The following PGBD1 variants were observed in gnomAD, a reference collection of about 807,000 sequenced individuals.
PGBD1 encodes the protein piggyBac transposable element derived 1.
PGBD1 carries 25 observed loss-of-function variants against 34.7 expected under a neutral mutation model. The ratio of observed to expected loss-of-function variants is 0.72; its 90% CI spans 0.52 to 1.00. PGBD1 has a LOEUF of 1.00. PGBD1 is among the 50% of genes least tolerant of loss of function. The probability of loss-of-function intolerance (pLI) is 0.00; values close to 1 mark genes in which losing one functional copy is unlikely to be tolerated. For missense variants in PGBD1, 830 were observed against 959.4 expected, an observed-to-expected ratio of 0.87 and a Z score of 1.78; for synonymous variants, 292 against 335.7, an observed-to-expected ratio of 0.87 and a Z score of 1.42.
chr6:28,285,448 C>T, intron 2 of PGBD1, 103 bp from the exon 3 acceptor site: 1 of 1,248,974 alleles, frequency 8.0e-7, no homozygotes. Context: ...CCTGTCTTTT[C>T]TGCCTTGTTT....
Position 28,301,796 on chromosome 6 carries a change from G to A in PGBD1, c.1942G>A (p.Gly648Arg). The A allele has an allele frequency of 1.2e-6, 2 of 1,614,120 alleles. No homozygotes were observed. The highest frequency in any genetic ancestry group is 1.7e-6 in the Non-Finnish European group (2 of 1,180,026). The change falls in exon 7 of 7, where the codon GGA (glycine) becomes AGA (arginine). Residue 648 changes from glycine to arginine, a missense_variant. Coordinates refer to ENST00000682144, the MANE Select transcript of PGBD1 (RefSeq NM_032507.4). The stretch of plus-strand genomic sequence containing the variant: ...GAAAAAGAAGGGGGTGAGGGCAACA[G>A]GAACAATTCGTGAGAACAGGACCGA... ...ALKKKGVRAT[G>R]TIRENRTEKC...
At chr6:28,299,480 C>T (rs1244875524) in intron 6 of PGBD1, among the ~76,000 whole-genome samples, 1 of 152,116 alleles carries the variant, frequency 6.6e-6, no homozygotes, top group African/African-American at 2.4e-5. Flanking sequence ...CAAGGAATGT[C>T]ACTGAAGTTA....
At chr6:28,283,194 G>A (rs530500640) in intron 1 of PGBD1, among the ~76,000 whole-genome samples, 3 of 152,222 alleles carry the variant, frequency 2.0e-5, no homozygotes, top group Non-Finnish European at 2.9e-5. Flanking sequence ...ATGGCAGTGA[G>A]CCAAGAGCTA....
chr6:28,300,605 A>G lies in PGBD1; in HGVS notation c.870-119A>G, dbSNP rs751780526. 3 of 1,171,272 alleles carry G rather than the reference A, an allele frequency of 2.6e-6. No individual in the cohort carries two copies. Among genetic ancestry groups the G allele is most frequent in the Middle Eastern group, 3.0e-4 (1 of 3,388 alleles). 72.6% of individuals were successfully genotyped at this position (1,171,272 alleles called of 1,614,324 possible). ...CTCCCCATGGAAACTTAAGAGAAAT[A>G]AGTAAGTATCCCCCCACACCCACCC... On this transcript the variant is annotated intron_variant, in intron 6 of 6. Transcript: ENST00000682144. This position sits in a 1 kb window ranked among gnomAD's most constrained non-coding sequence, Gnocchi z 4.0.
In PGBD1 at chr6:28,302,373, G is replaced by T; in HGVS notation, c.*89G>T. ...TGTTGTACCCTCCCAAAGTAAATCTGATATATGTAATGAAGTTATTAAATA... is the reference window on the plus strand; with the variant it reads ...TGTTGTACCCTCCCAAAGTAAATCTTATATATGTAATGAAGTTATTAAATA... On this transcript the variant is annotated 3_prime_UTR_variant, in exon 7 of 7. Transcript: ENST00000682144. 1 of 1,280,606 alleles carries T rather than the reference G, an allele frequency of 7.8e-7. No individual in the cohort carries two copies. Among genetic ancestry groups the T allele is most frequent in the Non-Finnish European group, 1.1e-6 (1 of 935,218 alleles). The allele number at this position is 1,280,606 out of a possible 1,614,324, so 79.3% of individuals were successfully genotyped here.
Position 28,302,029 on chromosome 6 carries a change from AC to A in PGBD1, c.2177del (p.Pro726HisfsTer3). The A allele has an allele frequency of 6.2e-7, 1 of 1,614,210 alleles. No homozygotes were observed. Among genetic ancestry groups the A allele is most frequent in the Non-Finnish European group, 8.5e-7 (1 of 1,180,040 alleles). On this transcript the variant is annotated frameshift_variant, in exon 7 of 7. Coordinates refer to ENST00000682144, the MANE Select transcript of PGBD1 (RefSeq NM_032507.4). LOFTEE classifies it low-confidence loss of function (END_TRUNC). ...ACGAAGAAATCCCTCAGATAAGTCAACCATCCATAGTAAAAGTGTATGATGA... is the reference window on the plus strand; with the variant it reads ...ACGAAGAAATCCCTCAGATAAGTCAACATCCATAGTAAAAGTGTATGATGA... ...DNEEIPQISQ[P>X]SIVKVYDECK...
intron 4 of PGBD1, among the ~76,000 whole-genome samples, chr6:28,291,803 C>T (rs1346780759): frequency 6.6e-6 from 1 of 152,116 alleles, no homozygotes; most frequent in Admixed American, 6.6e-5. Context: ...TCAACATATG[C>T]AAATCAATAA....
chr6:28,284,333 C>G, intron 2 of PGBD1, 124 bp downstream of exon 2: 1 of 1,124,380 alleles, frequency 8.9e-7, no homozygotes, highest in East Asian at 2.8e-5. Flanking sequence ...AGAGAACTCC[C>G]GTAAAACTCT....
rs572238838 is a variant in PGBD1, at chr6:28,294,445, G to A, written c.643-2371G>A. 9.2e-5 allele frequency among the ~76,000 whole-genome samples: 14 copies of A among 152,310 alleles called. No homozygotes were observed. In the South Asian group the frequency reaches 2.9e-3, roughly 32 times the overall value. On this transcript the variant is annotated intron_variant, in intron 4 of 6. Transcript: ENST00000682144. Reference sequence around the variant, plus strand: ...AATGAAGATGAAACCACCTTTTATTGAAATAAGATGCCATCTAGGACTTTG... The same window carrying A: ...AATGAAGATGAAACCACCTTTTATTAAAATAAGATGCCATCTAGGACTTTG...
chr6:28,291,849 C>T (rs1469060406), intron 4 of PGBD1, among the ~76,000 whole-genome samples: 7 of 152,134 alleles, frequency 4.6e-5, no homozygotes, highest in Admixed American at 2.0e-4. Context: ...CAAGAACAAA[C>T]ACCATATGAT....
rs3215466 is a variant in PGBD1, at chr6:28,300,707, C to CT, written c.870-10dup. On this transcript the variant is annotated splice_polypyrimidine_tract_variant and intron_variant, in intron 6 of 6. Transcript: ENST00000682144. This position sits in a 1 kb window ranked among gnomAD's most constrained non-coding sequence, Gnocchi z 4.0. ...TGATTGAGGATTTTTATAACATGTT[C>CT]TTTTTTTCTTTCCCAGAGAGTGTGC... The CT allele has an allele frequency of 6.4e-7, 1 of 1,570,132 alleles. No homozygotes were observed. The highest frequency in any genetic ancestry group is 8.6e-7 in the Non-Finnish European group (1 of 1,159,770).
At chr6:28,297,850 A>ATAAAAAAAAAAAT in intron 5 of PGBD1, 45 bp from the exon 6 acceptor site, 1 of 391,904 alleles carries the variant, frequency 2.6e-6, no homozygotes, top group Non-Finnish European at 4.6e-6. Flanking sequence ...TTTTTTCAAA[A>ATAAAAAAAAAAAT]TTCACATAAC....
Position 28,301,246 on chromosome 6 carries a change from A to T in PGBD1, c.1392A>T (p.Leu464Phe), listed in dbSNP as rs752715784. ...AAATGAGGTGTGTGTTTGGTGTCTT[A>T]CTTTTGAGTGGATTTATGAGGCATC... ...VQEMRCVFGV[L>F]LLSGFMRHPR... Residue 464 changes from leucine to phenylalanine, a missense_variant, in exon 7 of 7, where the codon TTA becomes TTT. Coordinates refer to ENST00000682144, the MANE Select transcript of PGBD1 (RefSeq NM_032507.4). 6 of 1,614,184 alleles carry T rather than the reference A, an allele frequency of 3.7e-6. No homozygotes were observed. In the East Asian group the frequency reaches 1.3e-4, roughly 36 times the overall value.
intron 5 of PGBD1, 24 bp downstream of exon 5, chr6:28,296,969 C>T (rs1376015041): frequency 6.2e-7 from 1 of 1,612,844 alleles, no homozygotes; most frequent in Non-Finnish European, 8.5e-7. Context: ...TCTGGCTGGA[C>T]CCCTGTCTGG....
In PGBD1 at chr6:28,301,937, A is replaced by G. The variant is rs1255301368; in HGVS notation, c.2083A>G (p.Ile695Val). 3.1e-6 allele frequency: 5 copies of G among 1,614,084 alleles called. No individual in the cohort carries two copies. Among genetic ancestry groups the G allele is most frequent in the Non-Finnish European group, 4.2e-6 (5 of 1,180,036 alleles). ...GTGTCGTTGGTATGGGGATGGCATT[A>G]TCAGTCTGTGCTCCAATGCTGTGGG... The part of the protein sequence containing the change: ...ILCRWYGDGI[I>V]SLCSNAVGIE... The change falls in exon 7 of 7, where the codon ATC (isoleucine) becomes GTC (valine). Residue 695 changes from isoleucine to valine, a missense_variant. Ile to Val is a conservative substitution (Grantham distance 29, BLOSUM62 3). This residue lies in a region of PGBD1 where 372 missense variants were observed against 427.9 expected (regional missense o/e 0.87). Coordinates refer to ENST00000682144, the MANE Select transcript of PGBD1 (RefSeq NM_032507.4).
intron 4 of PGBD1, among the ~76,000 whole-genome samples, chr6:28,296,308 T>C (rs1762629579): frequency 6.6e-6 from 1 of 152,226 alleles, no homozygotes; most frequent in Non-Finnish European, 1.5e-5. Context: ...ATAACTGCAA[T>C]ATTATATTGA....
intron 5 of PGBD1, 62 bp from the exon 6 acceptor site, chr6:28,297,833 T>G (rs1307316850): frequency 2.2e-5 from 7 of 311,474 alleles, no homozygotes; most frequent in East Asian, 6.8e-5. Context: ...TTTTTTTTTT[T>G]TTTTTTTTTT....
intron 4 of PGBD1, among the ~76,000 whole-genome samples, chr6:28,295,061 A>G (rs891117909): frequency 6.6e-6 from 1 of 152,224 alleles, no homozygotes; most frequent in Admixed American, 6.5e-5. Context: ...GAAAATACCA[A>G]CATTAACAGG....
chr6:28,291,400 T>G (rs1258883115), intron 4 of PGBD1, among the ~76,000 whole-genome samples: 2 of 151,448 alleles, frequency 1.3e-5, no homozygotes, highest in Non-Finnish European at 2.9e-5. Flanking sequence ...CATGAAAAAA[T>G]AGAAAACCTC....
Sources: allele counts gnomAD v4.1 joint callset (sites outside exome capture counted in the v4.1 genomes callset), GRCh38; gene constraint gnomAD v4.1.1; regional missense constraint gnomAD v4.1.1; non-coding constraint Gnocchi (gnomAD v3.1); transcripts MANE v1.5; gene names NCBI Gene and HGNC (gene_info 2026-07-23, HGNC 2026-07-21).